The following RPH3A variants were observed in gnomAD, a reference collection of about 807,000 sequenced individuals.
RPH3A encodes the protein rabphilin 3A.
RPH3A carries 48 observed loss-of-function variants against 102.2 expected under a neutral mutation model. That is an observed-to-expected ratio of 0.47 (90% CI 0.37 to 0.60). The LOEUF is 0.60. Among genes scored for constraint, RPH3A ranks in the 20% least tolerant of loss-of-function variants. RPH3A has a pLI of 0.00. For synonymous variants in RPH3A, 310 were observed against 324.3 expected (o/e 0.96, Z 0.47); for missense variants, 781 against 910.1 (o/e 0.86, Z 1.83).
At chr12:112,861,595 C>T (rs2042513960) in intron 5 of RPH3A, among the ~76,000 whole-genome samples, 1 of 152,218 alleles carries the variant, frequency 6.6e-6, no homozygotes, top group African/African-American at 2.4e-5. Context: ...TGAGTCCCAG[C>T]TTTCACCACT....
chr12:112,773,088 T>C (rs2040938972), intron 1 of RPH3A, among the ~76,000 whole-genome samples: 1 of 152,046 alleles, frequency 6.6e-6, no homozygotes, highest in Non-Finnish European at 1.5e-5. Context: ...GGCTGCATAG[T>C]ATTCCATCAT....
In RPH3A at chr12:112,795,166, C is replaced by T. The variant is rs565991410; in HGVS notation, c.-19+2903C>T. On this transcript the variant is annotated intron_variant, in intron 2 of 21. Transcript: ENST00000389385. The stretch of plus-strand genomic sequence containing the variant: ...GACATTATGCTTTAACTCTTTCCCT[C>T]TCTGTGAATGGGTCCTACAGAGTTT... Among the ~76,000 whole-genome samples, 3 of 152,304 alleles carry T rather than the reference C, an allele frequency of 2.0e-5. No homozygotes were observed. The South Asian group carries it at 6.2e-4, about 32-fold the overall frequency.
intron 1 of RPH3A, among the ~76,000 whole-genome samples, chr12:112,682,652 C>T (rs2040235426): frequency 1.3e-5 from 2 of 152,216 alleles, no homozygotes; most frequent in East Asian, 3.9e-4. Flanking sequence ...CTTTGGAGAG[C>T]GTCATCCAGC....
At chr12:112,640,325 CAAAAAAAAAAAAAAAAAAAAA>C (rs1158230534) in intron 1 of RPH3A, among the ~76,000 whole-genome samples, 198 of 14,062 alleles carry the variant, frequency 0.014, 3 homozygotes, top group African/African-American at 0.017. Context: ...AACTCCATCT[CAAAAAAAAAAAAAAAAAAAAA>C]AAAAAAAAAA....
chr12:112,861,676 A>G (rs1284942594), intron 5 of RPH3A, among the ~76,000 whole-genome samples: 1 of 152,206 alleles, frequency 6.6e-6, no homozygotes, highest in Admixed American at 6.5e-5. Context: ...GTAAATGGAA[A>G]CAAAAGTAAT....
chr12:112,723,383 C>T (rs1252582566), intron 1 of RPH3A, among the ~76,000 whole-genome samples: 2 of 152,160 alleles, frequency 1.3e-5, no homozygotes, highest in African/African-American at 4.8e-5. Context: ...AGAGAAAATA[C>T]ATTTCTAGTA....
In RPH3A at chr12:112,607,548, A is replaced by G. The variant is rs1440888113; in HGVS notation, c.-140+32229A>G. On this transcript the variant is annotated intron_variant, in intron 1 of 21. Transcript: ENST00000543106. The stretch of plus-strand genomic sequence containing the variant: ...CAGTTTTATGTTAATTGGAAGACAC[A>G]CTAAATGGCATAGCTAAAAGAAAGA... 2.6e-5 allele frequency among the ~76,000 whole-genome samples: 4 copies of G among 152,242 alleles called. No individual in the cohort carries two copies. In the East Asian group the frequency reaches 7.7e-4, roughly 29 times the overall value.
At chr12:112,758,877 CTTTCCAAGT>C (rs1476457607) in intron 1 of RPH3A, among the ~76,000 whole-genome samples, 1 of 152,172 alleles carries the variant, frequency 6.6e-6, no homozygotes, top group East Asian at 1.9e-4. Flanking sequence ...TCCCATTGTG[CTTTCCAAGT>C]TTTCCAAGTT....
At chr12:112,680,312 G>A (rs2136015869) in intron 1 of RPH3A, among the ~76,000 whole-genome samples, 1 of 152,296 alleles carries the variant, frequency 6.6e-6, no homozygotes, top group East Asian at 1.9e-4. Context: ...TTCCTCCTAC[G>A]ACATTTAGGT....
chr12:112,639,587 C>A (rs1056676343), intron 1 of RPH3A, among the ~76,000 whole-genome samples: 1 of 152,122 alleles, frequency 6.6e-6, no homozygotes. Flanking sequence ...TGCAGCAAAC[C>A]ACCATGGCAC....
chr12:112,627,503 T>A (rs1276691913), intron 1 of RPH3A, among the ~76,000 whole-genome samples: 1 of 151,398 alleles, frequency 6.6e-6, no homozygotes, highest in Non-Finnish European at 1.5e-5. Flanking sequence ...TAGTGTTATA[T>A]ATTGTGTCAA....
chr12:112,577,224 G>A (rs995334215), intron 1 of RPH3A, among the ~76,000 whole-genome samples: 3 of 152,218 alleles, frequency 2.0e-5, no homozygotes, highest in East Asian at 1.9e-4. Context: ...CATGGGCTGC[G>A]CAGCTGCTTA....
At chr12:112,882,877 T>C (rs1307615056) in intron 15 of RPH3A, among the ~76,000 whole-genome samples, 1 of 152,186 alleles carries the variant, frequency 6.6e-6, no homozygotes, top group African/African-American at 2.4e-5. Context: ...ATGAAAAATG[T>C]TGGCCCCTCT....
chr12:112,656,981 G>A (rs568629479), intron 1 of RPH3A, among the ~76,000 whole-genome samples: 1 of 152,102 alleles, frequency 6.6e-6, no homozygotes, highest in East Asian at 1.9e-4. Context: ...TGGAATTTCT[G>A]GGTTGAATGG....
At chr12:112,581,661 A>G (rs2039401985) in intron 1 of RPH3A, among the ~76,000 whole-genome samples, 3 of 151,636 alleles carry the variant, frequency 2.0e-5, no homozygotes, top group African/African-American at 7.3e-5. Context: ...TGGCTTCCCA[A>G]AGTGCTGGGA....
At chr12:112,662,261 C>T (rs892713815) in intron 1 of RPH3A, among the ~76,000 whole-genome samples, 2 of 152,172 alleles carry the variant, frequency 1.3e-5, no homozygotes, top group Non-Finnish European at 2.9e-5. Flanking sequence ...TCCCATTTGA[C>T]TCACTCCAGA....
At chr12:112,866,687 G>A (rs899853193) in intron 6 of RPH3A, 70 bp from the exon 7 acceptor site, 6 of 1,271,914 alleles carry the variant, frequency 4.7e-6, no homozygotes, top group African/African-American at 3.0e-5. Flanking sequence ...AAGAGAAAGT[G>A]GGGGGCTACG....
At chr12:112,871,591 G>A (rs1056880630) in intron 10 of RPH3A, among the ~76,000 whole-genome samples, 1 of 152,024 alleles carries the variant, frequency 6.6e-6, no homozygotes, top group Non-Finnish European at 1.5e-5. Flanking sequence ...AGACCTTGAC[G>A]GTGACTTTGA....
At chr12:112,779,193 C>A (rs2040989545) in intron 1 of RPH3A, among the ~76,000 whole-genome samples, 1 of 152,154 alleles carries the variant, frequency 6.6e-6, no homozygotes, top group Admixed American at 6.5e-5. Context: ...ACTGGACCCC[C>A]AAGTGAAGGG....
Sources: allele counts gnomAD v4.1 joint callset (sites outside exome capture counted in the v4.1 genomes callset), GRCh38; gene constraint gnomAD v4.1.1; transcripts MANE v1.5; gene names NCBI Gene and HGNC (gene_info 2026-07-23, HGNC 2026-07-21).